The following ALS2 variants were observed in gnomAD, a reference collection of about 807,000 sequenced individuals.
ALS2 encodes the protein alsin Rho guanine nucleotide exchange factor ALS2, also known as alsin.
Under a neutral mutation model 203.4 loss-of-function variants are expected in ALS2, and 117 were observed. The observed-to-expected ratio is 0.58, with a 90% CI of 0.50 to 0.67. ALS2 has a LOEUF of 0.67. ALS2 is among the 30% of genes least tolerant of loss of function. The pLI is 0.00. For synonymous variants in ALS2, 718 were observed against 725.9 expected, an observed-to-expected ratio of 0.99 and a Z score of 0.17; for missense variants, 1,715 against 1,989.4, an observed-to-expected ratio of 0.86 and a Z score of 2.62.
chr2:201,747,152 A>G (rs1692717690), intron 8 of ALS2, among the ~76,000 whole-genome samples: 1 of 152,180 alleles, frequency 6.6e-6, no homozygotes, highest in South Asian at 2.1e-4. Flanking sequence ...ACAAAAATCG[A>G]GGTAAAAGAA....
chr2:201,724,112 C>CA (rs1281314553), intron 21 of ALS2, among the ~76,000 whole-genome samples, 183 bp downstream of exon 21: 1 of 151,328 alleles, frequency 6.6e-6, no homozygotes, highest in South Asian at 2.1e-4. Flanking sequence ...AACCCTGTCT[C>CA]AAAAAATAAA....
intron 28 of ALS2, 132 bp downstream of exon 28, chr2:201,707,722 GCTGGCCCCAACCCTC>G (rs1181077426): frequency 1.9e-6 from 2 of 1,027,968 alleles, no homozygotes; most frequent in Non-Finnish European, 2.9e-6. Context: ...AGCCACTGTG[GCTGGCCCCAACCCTC>G]CTGGCCCCAA....
At position 201,725,432 on chromosome 2, in the gene ALS2, T is replaced by A. The variant is rs999167218; in HGVS notation, c.3271A>T (p.Asn1091Tyr). 7 of 1,613,978 alleles carry A rather than the reference T, an allele frequency of 4.3e-6. No homozygotes were observed. Among genetic ancestry groups the A allele is most frequent in the Admixed American group, 1.7e-5 (1 of 60,000 alleles). The change falls in exon 20 of 34, where the codon AAC (asparagine) becomes TAC (tyrosine). Residue 1091 changes from asparagine (N) to tyrosine (Y), a missense_variant. Asn to Tyr is a moderately radical substitution (Grantham distance 143). This residue lies in a region of ALS2 where 1,227 missense variants were observed against 1,413.5 expected (regional missense o/e 0.87). Transcript: ENST00000264276. ...TGGTCTTCTTTGTTCATTGCCTTGT[T>A]TGGGATTCTGTATTCTCCATACCTG... Reference protein sequence around the residue: ...EDGYGEYRIPNKAMNKEDHYV... With the variant: ...EDGYGEYRIPYKAMNKEDHYV...
chr2:201,737,566 C>T (rs1691958795), intron 12 of ALS2, among the ~76,000 whole-genome samples: 1 of 152,076 alleles, frequency 6.6e-6, no homozygotes, highest in African/African-American at 2.4e-5. Flanking sequence ...TAAAAGTATT[C>T]TCATTAAAAC....
intron 9 of ALS2, among the ~76,000 whole-genome samples, 192 bp from the exon 10 acceptor site, chr2:201,744,621 G>A (rs903783188): frequency 1.3e-5 from 2 of 151,666 alleles, no homozygotes; most frequent in Non-Finnish European, 2.9e-5. Flanking sequence ...ACAGACTAGG[G>A]TTTTTTTTGG....
intron 33 of ALS2, 57 bp downstream of exon 33, chr2:201,704,065 T>C (rs779324094): frequency 7.5e-6 from 11 of 1,464,078 alleles, no homozygotes; most frequent in African/African-American, 4.2e-5. Context: ...ATTTATAATA[T>C]GGTAAATGAA....
At position 201,757,721 on chromosome 2, in the gene ALS2, CG is replaced by C; in HGVS notation, c.1151del (p.Pro384ArgfsTer9). 6.2e-7 allele frequency: 1 copy of C among 1,612,680 alleles called. No individual in the cohort carries two copies. The highest frequency in any genetic ancestry group is 8.5e-7 in the Non-Finnish European group (1 of 1,179,976). On this transcript the variant is annotated frameshift_variant, in exon 5 of 34. Coordinates refer to ENST00000264276, the MANE Select transcript of ALS2 (RefSeq NM_020919.4). LOFTEE classifies it high-confidence loss of function. ...TTAGGGCTGAGGTGCTTGTGGTAGG[CG>C]GGCTGTGGAGATTAGGAATTGCTTC... ...LEEAIPNLHSPPTTSTSALNS... is the reference protein window; with the variant it reads ...LEEAIPNLHSXPTTSTSALNS...
chr2:201,738,539 G>T, intron 12 of ALS2, 131 bp downstream of exon 12: 1 of 868,366 alleles, frequency 1.2e-6, no homozygotes, highest in Non-Finnish European at 1.9e-6. Context: ...AAGACTTACT[G>T]AAAGTTTATA....
chr2:201,748,576 T>C (rs753382999), intron 8 of ALS2, among the ~76,000 whole-genome samples: 1 of 152,220 alleles, frequency 6.6e-6, no homozygotes, highest in African/African-American at 2.4e-5. Context: ...CATGCTACAT[T>C]ACAAAGGTTT....
At chr2:201,743,443 T>C (rs558844202) in intron 10 of ALS2, among the ~76,000 whole-genome samples, 53 of 152,248 alleles carry the variant, frequency 3.5e-4, no homozygotes, top group African/African-American at 1.3e-3. Flanking sequence ...TGGGCATAGC[T>C]AAGAAAAAGA....
In ALS2 at chr2:201,726,758, T is replaced by A. The variant is rs1691189401; in HGVS notation, c.3088A>T (p.Ile1030Phe). 6.2e-7 allele frequency: 1 copy of A among 1,614,032 alleles called. No individual in the cohort carries two copies. ...GSSVQRQEPPISRSAKYTFYK... is the reference protein window; with the variant it reads ...GSSVQRQEPPFSRSAKYTFYK... ...AAAGTATATTTGGCACTGCGTGAAA[T>A]GGGTGGTTCCTGTCTCTGAACACTG... The change falls in exon 18 of 34, where the codon ATT becomes TTT. Residue 1030 changes from isoleucine (I) to phenylalanine (F), a missense_variant. Transcript: ENST00000264276.
chr2:201,713,791 CTA>C (rs201954083), intron 25 of ALS2, among the ~76,000 whole-genome samples: 1,870 of 152,296 alleles, frequency 0.012, 19 homozygotes, highest in South Asian at 0.03. Flanking sequence ...ACTTCAACAT[CTA>C]TGTCATCTGT....
chr2:201,759,916 T>C, intron 4 of ALS2: 1 of 985,180 alleles, frequency 1.0e-6, no homozygotes, highest in Non-Finnish European at 1.2e-6. Context: ...ACAGAAATAA[T>C]CCTTTTAAAA....
At chr2:201,736,692 C>T (rs995481649) in intron 12 of ALS2, among the ~76,000 whole-genome samples, 5 of 151,946 alleles carry the variant, frequency 3.3e-5, no homozygotes, top group Non-Finnish European at 5.9e-5. Context: ...GCCGACAAGA[C>T]TGATCAAGAT....
intron 11 of ALS2, among the ~76,000 whole-genome samples, chr2:201,740,062 CA>C (rs1249337274): frequency 9.2e-5 from 14 of 152,126 alleles, no homozygotes; most frequent in Non-Finnish European, 2.9e-5. Flanking sequence ...CAGTGGCTCA[CA>C]CTTGCAATCC....
In ALS2 at chr2:201,779,187, G is replaced by C. The variant is rs1694788701; in HGVS notation, c.-61+1690C>G. ...AAATTCTGAAAAACTGAAATTTGGAGAGAAGGGATTCCTGTTTATATTGAG... is the reference window on the plus strand; with the variant it reads ...AAATTCTGAAAAACTGAAATTTGGACAGAAGGGATTCCTGTTTATATTGAG... On this transcript the variant is annotated intron_variant, in intron 1 of 33. Coordinates refer to ENST00000264276, the MANE Select transcript of ALS2 (RefSeq NM_020919.4). Among the ~76,000 whole-genome samples, 3 of 152,292 alleles carry C rather than the reference G, an allele frequency of 2.0e-5. No individual in the cohort carries two copies. In the South Asian group the frequency reaches 6.2e-4, roughly 32 times the overall value.
intron 1 of ALS2, among the ~76,000 whole-genome samples, chr2:201,771,879 T>C (rs1694398529): frequency 6.6e-6 from 1 of 152,252 alleles, no homozygotes; most frequent in South Asian, 2.1e-4. Context: ...CTTTCCTGCA[T>C]AGACCTGTTA....
intron 13 of ALS2, among the ~76,000 whole-genome samples, chr2:201,731,591 CATT>C (rs905699876): frequency 1.7e-4 from 26 of 152,090 alleles, no homozygotes; most frequent in African/African-American, 5.8e-4. Flanking sequence ...AAAGTATCAT[CATT>C]ATTTTTATAT....
chr2:201,713,133 C>CTTTTTTT (rs35807671), intron 25 of ALS2, among the ~76,000 whole-genome samples: 135 of 96,092 alleles, frequency 1.4e-3, no homozygotes, highest in Non-Finnish European at 1.9e-3. Context: ...CTTTTCTTTT[C>CTTTTTTT]TTTTTTTTTT....
Sources: allele counts gnomAD v4.1 joint callset (sites outside exome capture counted in the v4.1 genomes callset), GRCh38; gene constraint gnomAD v4.1.1; regional missense constraint gnomAD v4.1.1; transcripts MANE v1.5; gene names NCBI Gene and HGNC (gene_info 2026-07-23, HGNC 2026-07-21).